COLGALT2: variants seen among roughly 807,000 people sequenced by gnomAD.
COLGALT2 encodes procollagen galactosyltransferase 2.
COLGALT2 carries 49 observed loss-of-function variants against 73.4 expected under a neutral mutation model. That is an observed-to-expected ratio of 0.67 (90% CI 0.53 to 0.85). The LOEUF (loss-of-function observed/expected upper bound fraction) is 0.85, where lower values mean the gene tolerates loss of function less well. COLGALT2 is among the 40% of genes least tolerant of loss of function. The pLI, the probability that COLGALT2 is intolerant of heterozygous loss-of-function variation, is 0.00. For missense variants in COLGALT2, 722 were observed against 790.2 expected, an observed-to-expected ratio of 0.91 and a Z score of 1.03; for synonymous variants, 295 against 307.6, an observed-to-expected ratio of 0.96 and a Z score of 0.43.
chr1:184,013,341 T>C (rs1019217860), intron 1 of COLGALT2, among the ~76,000 whole-genome samples: 2 of 152,030 alleles, frequency 1.3e-5, no homozygotes, highest in African/African-American at 4.8e-5. Context: ...CAAAACAGCA[T>C]TGTGGGAGAT....
At chr1:183,959,626 C>T (rs1328444278) in intron 6 of COLGALT2, among the ~76,000 whole-genome samples, 1 of 151,926 alleles carries the variant, frequency 6.6e-6, no homozygotes, top group African/African-American at 2.4e-5. Context: ...CATGTCCCAC[C>T]AGGAGAGAGG....
chr1:183,945,116 A>G (rs186440736), intron 9 of COLGALT2, among the ~76,000 whole-genome samples: 4 of 152,308 alleles, frequency 2.6e-5, no homozygotes, highest in Admixed American at 2.6e-4. Flanking sequence ...TTCTTGTATA[A>G]AATCACTTAA....
intron 1 of COLGALT2, among the ~76,000 whole-genome samples, chr1:183,999,275 C>T (rs1210018000): frequency 6.6e-6 from 1 of 152,064 alleles, no homozygotes; most frequent in African/African-American, 2.4e-5. Flanking sequence ...TCTGTAGATT[C>T]TCTAATGTTG....
intron 1 of COLGALT2, among the ~76,000 whole-genome samples, chr1:184,012,751 A>G (rs1648852374): frequency 6.6e-6 from 1 of 152,248 alleles, no homozygotes; most frequent in South Asian, 2.1e-4. Context: ...TTGTAACCAG[A>G]TAGGCCATTG....
chr1:183,982,971 C>T (rs1233283123), intron 1 of COLGALT2, among the ~76,000 whole-genome samples: 2 of 152,170 alleles, frequency 1.3e-5, no homozygotes, highest in African/African-American at 4.8e-5. Flanking sequence ...TCCTGGTGTA[C>T]AGATTAAACA....
intron 10 of COLGALT2, among the ~76,000 whole-genome samples, chr1:183,942,319 T>C (rs1005850316): frequency 7.9e-5 from 12 of 152,086 alleles, no homozygotes; most frequent in African/African-American, 2.9e-4. Context: ...ACATACCAGA[T>C]TTTGAAGAGT....
intron 6 of COLGALT2, among the ~76,000 whole-genome samples, chr1:183,961,323 T>C (rs1244139359): frequency 6.6e-6 from 1 of 152,150 alleles, no homozygotes; most frequent in Non-Finnish European, 1.5e-5. Context: ...TTAAAATCTT[T>C]ATTGATGACA....
rs557292823 is a variant in COLGALT2, at chr1:183,972,466, G to T, written c.627+1150C>A. ...TTGATACATATTACATTAATCAGTT[G>T]AATTTATCTAATTCTTTAATTAAAG... On this transcript the variant is annotated intron_variant, in intron 4 of 11. Transcript: ENST00000361927. 3.3e-5 allele frequency among the ~76,000 whole-genome samples: 5 copies of T among 152,006 alleles called. 1 individual carries two copies. In the South Asian group the frequency reaches 1.0e-3, roughly 32 times the overall value.
intron 1 of COLGALT2, among the ~76,000 whole-genome samples, chr1:184,023,643 T>G (rs1006433670): frequency 7.4e-4 from 98 of 133,088 alleles, no homozygotes; most frequent in East Asian, 1.0e-3. Context: ...GTGCGTGAGG[T>G]GGGGGGGGGG....
In COLGALT2 at chr1:183,936,583, C is replaced by T. The variant is rs1669960325; in HGVS notation, c.*2178G>A. ...AAAAATCAACCCAAACTTCCTTCAA[C>T]CCCAGCACCCCAGCCACCTCCCACC... On this transcript the variant is annotated 3_prime_UTR_variant, in exon 12 of 12. Transcript: ENST00000361927. The T allele has an allele frequency of 1.7e-6, 2 of 1,151,076 alleles. No homozygotes were observed. Among genetic ancestry groups the T allele is most frequent in the South Asian group, 4.4e-5 (1 of 22,708 alleles). 71.3% of individuals were successfully genotyped at this position (1,151,076 alleles called of 1,614,324 possible).
rs747550043 is a variant in COLGALT2 at position 183,969,336 on chromosome 1, G to C, written c.765C>G (p.Pro255=). The C allele has an allele frequency of 8.7e-6, 14 of 1,613,858 alleles. No individual in the cohort carries two copies. Among genetic ancestry groups the C allele is most frequent in the Admixed American group, 3.3e-5 (2 of 60,004 alleles). The change falls in exon 5 of 12, where the codon CCC becomes CCG. Residue 255 remains proline (P), a synonymous_variant. Coordinates refer to ENST00000361927, the MANE Select transcript of COLGALT2 (RefSeq NM_015101.4). ...AGGTCCAGGTGTAGTCCTGGTGTGG[G>C]GGGTAGAAAGTCAGCTTGTCCGAGG... The part of the protein sequence containing the change: ...KEASDKLTFY[P]PHQDYTWTFD...
exon 12 of COLGALT2, chr1:183,930,194 G>A (rs919384160): frequency 1.1e-5 from 5 of 456,022 alleles, no homozygotes; most frequent in African/African-American, 2.0e-5. Flanking sequence ...CTGCCACAGA[G>A]GGGTAATGCC....
intron 1 of COLGALT2, among the ~76,000 whole-genome samples, chr1:184,027,061 C>T (rs1020578017): frequency 7.9e-5 from 12 of 151,982 alleles, no homozygotes; most frequent in African/African-American, 2.9e-4. Flanking sequence ...AAAAAATAGT[C>T]ACTATTAGAT....
chr1:183,971,767 T>C (rs988385316), intron 4 of COLGALT2, among the ~76,000 whole-genome samples: 2 of 152,234 alleles, frequency 1.3e-5, no homozygotes, highest in African/African-American at 4.8e-5. Flanking sequence ...CCAGTTGACA[T>C]GTTGATAGCT....
At chr1:183,976,922 G>A (rs1323568259) in intron 2 of COLGALT2, among the ~76,000 whole-genome samples, 1 of 152,114 alleles carries the variant, frequency 6.6e-6, no homozygotes, top group Non-Finnish European at 1.5e-5. Flanking sequence ...AGAAGGAAAG[G>A]GTCTTCCAGG....
intron 1 of COLGALT2, among the ~76,000 whole-genome samples, chr1:184,003,612 T>C (rs1486695273): frequency 1.3e-5 from 2 of 152,176 alleles, no homozygotes; most frequent in African/African-American, 4.8e-5. Flanking sequence ...CCTTTATGAA[T>C]TTCCAAATCA....
rs115483956 is a variant in COLGALT2 at position 183,943,171 on chromosome 1, C to T, written c.1397+1025G>A. Among the ~76,000 whole-genome samples the T allele has an allele frequency of 7.6e-3, 1,152 of 152,310 alleles. 6 individuals carry two copies. The highest frequency in any genetic ancestry group is 0.021 in the South Asian group (101 of 4,830). ...GCATAGGTGTCTTATTACACAGTGA[C>T]GCATTAGTTGAGCCATTGCTAGGTT... On this transcript the variant is annotated intron_variant, in intron 10 of 11. Coordinates refer to ENST00000361927, the MANE Select transcript of COLGALT2 (RefSeq NM_015101.4).
chr1:184,037,174 G>A lies in COLGALT2; in HGVS notation c.184C>T (p.Arg62Cys). The change falls in exon 1 of 12, where the codon CGC becomes TGC. Residue 62 changes from arginine (R) to cysteine (C), a missense_variant. Coordinates refer to ENST00000361927, the MANE Select transcript of COLGALT2 (RefSeq NM_015101.4). ...TGCGGCAGCGTGTGCGCCGCGTTGC[G>A]GGCGAGGACCGCCACGAGCACCGTG... ...SPTVLVAVLARNAAHTLPHFL... is the reference protein window; with the variant it reads ...SPTVLVAVLACNAAHTLPHFL... 1 of 1,604,756 alleles carries A rather than the reference G, an allele frequency of 6.2e-7. No individual in the cohort carries two copies. The highest frequency in any genetic ancestry group is 8.5e-7 in the Non-Finnish European group (1 of 1,177,164).
chr1:183,934,801 G>T (rs575283904), downstream of COLGALT2, among the ~76,000 whole-genome samples: 1 of 152,318 alleles, frequency 6.6e-6, no homozygotes, highest in East Asian at 1.9e-4. Flanking sequence ...ATTTGTAGCT[G>T]AGTGGGAATA....
Sources: gnomAD v4.1 joint callset for allele counts (sites outside exome capture counted in the v4.1 genomes callset) on GRCh38, gnomAD v4.1.1 for gene constraint, MANE v1.5 for transcripts, NCBI Gene and HGNC (gene_info 2026-07-23, HGNC 2026-07-21) for gene names.